COL4A5: variants seen among roughly 807,000 people sequenced by gnomAD.
COL4A5 encodes collagen alpha-5(IV) chain.
A neutral mutation model predicts 130.2 loss-of-function variants in COL4A5; 26 were observed. The observed-to-expected ratio is 0.20, with a 90% CI of 0.15 to 0.28. The LOEUF is 0.28. Ranked by LOEUF, COL4A5 falls within the 10% of genes least tolerant of loss-of-function variation. COL4A5 has a pLI of 1.00. For missense variants in COL4A5, 1,131 were observed against 1,344.3 expected, an observed-to-expected ratio of 0.84 and a Z score of 2.48; for synonymous variants, 496 against 439.6, an observed-to-expected ratio of 1.13 and a Z score of -1.60.
chrX:108,444,006 C>T (rs1239753462), intron 1 of COL4A5, among the ~76,000 whole-genome samples: 1 of 111,163 alleles, frequency 9.0e-6, no homozygotes, highest in Non-Finnish European at 1.9e-5. Context: ...TATATTTATT[C>T]AGCTGTTTAT....
intron 1 of COL4A5, among the ~76,000 whole-genome samples, chrX:108,500,872 A>G (rs2065073794): frequency 9.0e-6 from 1 of 111,460 alleles, no homozygotes; most frequent in South Asian, 3.8e-4. Context: ...TTTCAGACCA[A>G]CGAGTGAGGG....
At chrX:108,523,596 T>C (rs2065286708) in intron 1 of COL4A5, among the ~76,000 whole-genome samples, 2 of 112,039 alleles carry the variant, frequency 1.8e-5, no homozygotes, top group Admixed American at 1.9e-4. Context: ...ATGAATTTCA[T>C]GTCAGTTTTA....
Position 108,674,710 on chromosome X carries a change from G to A in COL4A5, c.3800-35G>A, listed in dbSNP as rs750405350. On this transcript the variant is annotated intron_variant, in intron 42 of 52. Transcript: ENST00000328300. ...TGTGATGTCTGATACTGCTAACATC[G>A]ATCTTTGGGCTTTGGTGAACTCTGA... 5.0e-6 allele frequency: 6 copies of A among 1,194,690 alleles called. No homozygotes were observed. The East Asian group carries it at 9.0e-5, about 18-fold the overall frequency.
chrX:108,552,547 A>C (rs999551270), intron 2 of COL4A5, among the ~76,000 whole-genome samples: 1 of 112,353 alleles, frequency 8.9e-6, no homozygotes, highest in Non-Finnish European at 1.9e-5. Context: ...AATAACAACA[A>C]AAATTTGAGA....
At chrX:108,440,437 C>G (rs1007335470) in intron 1 of COL4A5, 13 of 397,967 alleles carry the variant, frequency 3.3e-5, no homozygotes, top group Non-Finnish European at 5.3e-5. Context: ...TTCCCTGCAG[C>G]TAGCTCCTCC....
At chrX:108,590,115 A>T (rs182232335) in intron 19 of COL4A5, among the ~76,000 whole-genome samples, 41 of 111,916 alleles carry the variant, frequency 3.7e-4, no homozygotes, top group Non-Finnish European at 1.9e-4. Flanking sequence ...ATTATTAAAA[A>T]GTCATAAAAT....
chrX:108,660,162 A>G (rs905302788), intron 37 of COL4A5, among the ~76,000 whole-genome samples: 4 of 112,133 alleles, frequency 3.6e-5, no homozygotes, highest in African/African-American at 1.3e-4. Flanking sequence ...AATTTTATTT[A>G]CATATAATGT....
At chrX:108,581,050 C>T (rs948603719) in intron 16 of COL4A5, 23 bp downstream of exon 16, 2 of 1,180,710 alleles carry the variant, frequency 1.7e-6, no homozygotes, top group African/African-American at 3.5e-5. Context: ...GGTTCTTTCC[C>T]CCTGCAAAAC....
At chrX:108,686,888 G>A (rs1221762373) in intron 48 of COL4A5, among the ~76,000 whole-genome samples, 1 of 111,909 alleles carries the variant, frequency 8.9e-6, no homozygotes, top group African/African-American at 3.2e-5. Flanking sequence ...TTTCATTAAT[G>A]CTATATTTCT....
intron 22 of COL4A5, 89 bp from the exon 23 acceptor site, chrX:108,596,909 A>G: frequency 1.1e-6 from 1 of 941,677 alleles, no homozygotes; most frequent in Admixed American, 2.6e-5. Flanking sequence ...TTCTGACTTG[A>G]TGATTTCTGT....
At chrX:108,694,478 A>G in intron 50 of COL4A5, 1 of 267,573 alleles carries the variant, frequency 3.7e-6, no homozygotes, top group Non-Finnish European at 6.7e-6. Flanking sequence ...TTTGACAACA[A>G]GTAGTATGTG....
At chrX:108,471,356 T>C (rs2064768247) in intron 1 of COL4A5, among the ~76,000 whole-genome samples, 1 of 111,818 alleles carries the variant, frequency 8.9e-6, no homozygotes, top group African/African-American at 3.3e-5. Context: ...TGTAGAGATA[T>C]TTCACCTCCT....
chrX:108,647,219 A>C (rs754777935), intron 36 of COL4A5, among the ~76,000 whole-genome samples: 1 of 111,112 alleles, frequency 9.0e-6, no homozygotes, highest in African/African-American at 3.3e-5. Flanking sequence ...ATGAGCATGG[A>C]ATGTTCTTCC....
intron 2 of COL4A5, among the ~76,000 whole-genome samples, chrX:108,549,436 A>C (rs749247604): frequency 8.9e-6 from 1 of 112,319 alleles, no homozygotes; most frequent in Non-Finnish European, 1.9e-5. Flanking sequence ...TAAGAAATAA[A>C]TAATAATATT....
At chrX:108,669,886 A>G in intron 41 of COL4A5, 1 of 172,727 alleles carries the variant, frequency 5.8e-6, no homozygotes, top group Non-Finnish European at 1.1e-5. Context: ...ATTATTTCAT[A>G]AACTATAAAT....
chrX:108,459,562 C>T (rs2064622313), intron 1 of COL4A5, among the ~76,000 whole-genome samples: 1 of 112,266 alleles, frequency 8.9e-6, no homozygotes, highest in South Asian at 3.7e-4. Context: ...CAGATTATTT[C>T]CTTTGAACAG....
At chrX:108,494,616 A>G (rs1391116434) in intron 1 of COL4A5, among the ~76,000 whole-genome samples, 1 of 109,739 alleles carries the variant, frequency 9.1e-6, no homozygotes, top group East Asian at 2.8e-4. Flanking sequence ...GTGCACTTCT[A>G]AGTTAGATAA....
At chrX:108,533,894 A>G (rs2147640613) in intron 1 of COL4A5, among the ~76,000 whole-genome samples, 1 of 111,453 alleles carries the variant, frequency 9.0e-6, no homozygotes, top group African/African-American at 3.2e-5. Flanking sequence ...AAAAGACCTG[A>G]ATAGACATTT....
chrX:108,545,692 A>T, intron 2 of COL4A5, among the ~76,000 whole-genome samples: 1 of 110,762 alleles, frequency 9.0e-6, no homozygotes, highest in East Asian at 2.8e-4. Flanking sequence ...TGATTTGTTT[A>T]ATGTTGACAG....
Sources: allele counts gnomAD v4.1 joint callset (sites outside exome capture counted in the v4.1 genomes callset), GRCh38; gene constraint gnomAD v4.1.1; transcripts MANE v1.5; gene names NCBI Gene and HGNC (gene_info 2026-07-23, HGNC 2026-07-21).